Variants in AMBRA1 observed in about 807,000 individuals in gnomAD.
AMBRA1 encodes activating molecule in BECN1-regulated autophagy protein 1.
AMBRA1 carries 47 observed loss-of-function variants against 125.4 expected under a neutral mutation model. That is an observed-to-expected ratio of 0.37 (90% CI 0.30 to 0.48). The LOEUF (loss-of-function observed/expected upper bound fraction) is 0.48. AMBRA1 is among the 20% of genes least tolerant of loss of function. The pLI, the probability that AMBRA1 is intolerant of heterozygous loss-of-function variation, is 0.99. For missense variants in AMBRA1, 1,331 were observed against 1,693.4 expected (o/e 0.79, Z 3.76); for synonymous variants, 626 against 655.5 (o/e 0.95, Z 0.69).
intron 1 of AMBRA1, among the ~76,000 whole-genome samples, chr11:46,573,015 C>G (rs563529102): frequency 6.7e-6 from 1 of 150,370 alleles, no homozygotes; most frequent in African/African-American, 2.5e-5. Flanking sequence ...GCAGGCGAAT[C>G]GCTTGAACCT....
rs1369675167 is a variant in AMBRA1 at position 46,397,622 on chromosome 11, T to C, written c.3725A>G (p.Glu1242Gly). ...AGAGGGCAGGGTTGGCTGGGTTGGC[T>C]CCCGCCCAGGGGTACCAGGCTGGTC... ...SWDQPGTPGR[E>G]PTQPTLPSSS... Residue 1242 changes from glutamate to glycine, a missense_variant, in exon 18 of 18, where the codon GAG becomes GGG. Glu to Gly is a moderately conservative substitution (Grantham distance 98). Coordinates refer to ENST00000683756, the MANE Select transcript of AMBRA1 (RefSeq NM_001387011.1). 2 of 1,611,020 alleles carry C rather than the reference T, an allele frequency of 1.2e-6. No homozygotes were observed. Among genetic ancestry groups the C allele is most frequent in the Admixed American group, 1.7e-5 (1 of 59,830 alleles).
chr11:46,545,854 A>C (rs1157379735), intron 4 of AMBRA1, 78 bp from the exon 5 acceptor site: 1 of 1,431,018 alleles, frequency 7.0e-7, no homozygotes, highest in Non-Finnish European at 9.6e-7. Context: ...AGAAAGGTCC[A>C]TTTAAGGTAA....
At chr11:46,515,192 G>A (rs181962033) in intron 7 of AMBRA1, among the ~76,000 whole-genome samples, 1 of 152,306 alleles carries the variant, frequency 6.6e-6, no homozygotes, top group Non-Finnish European at 1.5e-5. Context: ...CATCCTTCTT[G>A]GCTGGGCGTG....
chr11:46,579,605 A>G (rs1437498024), intron 1 of AMBRA1, among the ~76,000 whole-genome samples: 1 of 152,230 alleles, frequency 6.6e-6, no homozygotes, highest in Non-Finnish European at 1.5e-5. Flanking sequence ...ACATCCTGGC[A>G]AGATACCAAG....
Position 46,553,604 on chromosome 11 carries a change from G to A in AMBRA1, c.-120-5104C>T, listed in dbSNP as rs768517716. On this transcript the variant is annotated intron_variant, in intron 1 of 17. Transcript: ENST00000683756. ...TACTAAAAATACAAAAATTAGCCAG[G>A]CGTGGTAGCTCATGCCTGTAGTCCC... Among the ~76,000 whole-genome samples, 156 of 152,026 alleles carry A rather than the reference G, an allele frequency of 1.0e-3. 3 individuals carry two copies. Among genetic ancestry groups the A allele is most frequent in the Non-Finnish European group, 3.5e-4 (24 of 68,016 alleles).
intron 11 of AMBRA1, among the ~76,000 whole-genome samples, chr11:46,473,341 C>G (rs1176521121): frequency 6.6e-6 from 1 of 152,194 alleles, no homozygotes; most frequent in Non-Finnish European, 1.5e-5. Context: ...GGAAAAGAAG[C>G]CTGTGTACAT....
At chr11:46,494,904 C>A (rs886285836) in intron 9 of AMBRA1, 41 of 152,140 alleles carry the variant, frequency 2.7e-4, no homozygotes, top group African/African-American at 9.4e-4. Flanking sequence ...CTGCTAGGTT[C>A]CAATACAAAG....
intron 11 of AMBRA1, among the ~76,000 whole-genome samples, chr11:46,479,843 G>A (rs1323391420): frequency 6.6e-6 from 1 of 152,094 alleles, no homozygotes; most frequent in African/African-American, 2.4e-5. Flanking sequence ...TTCTATAACT[G>A]CCATAACAAC....
At chr11:46,439,996 C>G (rs1345964153) in intron 12 of AMBRA1, among the ~76,000 whole-genome samples, 1 of 151,942 alleles carries the variant, frequency 6.6e-6, no homozygotes, top group East Asian at 1.9e-4. Context: ...TGAAATCAGG[C>G]ACTCTCATGA....
intron 15 of AMBRA1, among the ~76,000 whole-genome samples, chr11:46,416,967 G>GCT (rs1565134351): frequency 1.6e-4 from 25 of 152,172 alleles, no homozygotes; most frequent in African/African-American, 5.8e-4. Context: ...GGAAGGGGAA[G>GCT]GGGTGTCATC....
Position 46,544,051 on chromosome 11 carries a change from C to T in AMBRA1, c.552-10G>A. The stretch of plus-strand genomic sequence containing the variant: ...ATCAAATCTCACCAGACTAAAATCA[C>T]AGAAGAAAGAGACAAAGACACACAT... On this transcript the variant is annotated splice_polypyrimidine_tract_variant and intron_variant, in intron 5 of 17. Transcript: ENST00000683756. The T allele has an allele frequency of 6.2e-7, 1 of 1,611,472 alleles. No homozygotes were observed. The highest frequency in any genetic ancestry group is 8.5e-7 in the Non-Finnish European group (1 of 1,177,960).
chr11:46,497,933 T>A (rs1158786189), intron 9 of AMBRA1, among the ~76,000 whole-genome samples: 1 of 152,094 alleles, frequency 6.6e-6, no homozygotes, highest in Non-Finnish European at 1.5e-5. Flanking sequence ...GTGGAAGAAC[T>A]GAAGGGAGAG....
chr11:46,478,829 G>A (rs1490838190), intron 11 of AMBRA1, among the ~76,000 whole-genome samples: 3 of 151,906 alleles, frequency 2.0e-5, no homozygotes, highest in East Asian at 3.9e-4. Context: ...GATATTTCTT[G>A]AAAGTTCTAA....
intron 8 of AMBRA1, among the ~76,000 whole-genome samples, chr11:46,510,171 A>G (rs535267124): frequency 1.3e-5 from 2 of 152,250 alleles, no homozygotes; most frequent in Admixed American, 6.5e-5. Context: ...CAATATTATA[A>G]TATCTGTGTA....
At chr11:46,566,518 A>G (rs2043539026) in intron 1 of AMBRA1, among the ~76,000 whole-genome samples, 1 of 152,214 alleles carries the variant, frequency 6.6e-6, no homozygotes, top group Non-Finnish European at 1.5e-5. Context: ...GTTACATTCT[A>G]TATAATTCCA....
In AMBRA1 at chr11:46,508,228, A is replaced by C. The variant is rs1373989392; in HGVS notation, c.2302T>G (p.Ser768Ala). ...SSSSSDNQGP[S>A]VEGTDLEFED... ...AATTCCAAGTCGGTTCCCTCTACTG[A>C]TGGACCCTGGTTGTCTGAGGAAGAG... Residue 768 changes from serine to alanine, a missense_variant, in exon 9 of 18, where the codon TCA becomes GCA. Physicochemically the swap from Ser to Ala is moderately conservative, Grantham distance 99. Coordinates refer to ENST00000683756, the MANE Select transcript of AMBRA1 (RefSeq NM_001387011.1). 6.2e-7 allele frequency: 1 copy of C among 1,614,162 alleles called. No individual in the cohort carries two copies. Among genetic ancestry groups the C allele is most frequent in the Non-Finnish European group, 8.5e-7 (1 of 1,180,006 alleles).
At chr11:46,517,616 C>T (rs1203263646) in intron 7 of AMBRA1, among the ~76,000 whole-genome samples, 1 of 148,070 alleles carries the variant, frequency 6.8e-6, no homozygotes, top group East Asian at 2.1e-4. Flanking sequence ...AGGTGGATCA[C>T]GAGGTCAGGA....
chr11:46,476,852 CCTGTAATT>C (rs1013655581), intron 11 of AMBRA1, among the ~76,000 whole-genome samples: 60 of 152,268 alleles, frequency 3.9e-4, no homozygotes, highest in African/African-American at 1.4e-3. Flanking sequence ...GTGCCTCACG[CCTGTAATT>C]CCAGCACTTT....
chr11:46,571,687 C>CTTT (rs543760300), intron 1 of AMBRA1, among the ~76,000 whole-genome samples: 5 of 123,908 alleles, frequency 4.0e-5, no homozygotes, highest in African/African-American at 3.1e-5. Context: ...ATCAATCAAT[C>CTTT]TTTTTTTTTT....
Sources: allele counts gnomAD v4.1 joint callset (sites outside exome capture counted in the v4.1 genomes callset), GRCh38; gene constraint gnomAD v4.1.1; transcripts MANE v1.5; gene names NCBI Gene and HGNC (gene_info 2026-07-23, HGNC 2026-07-21).